The following RGPD2 variants were observed in gnomAD, a reference collection of about 807,000 sequenced individuals.
RGPD2 encodes the protein RANBP2 like and GRIP domain containing 2, also known as RANBP2-like and GRIP domain-containing protein 2.
Under a neutral mutation model 36.0 loss-of-function variants are expected in RGPD2, and 2 were observed. The ratio of observed to expected loss-of-function variants is 0.06; its 90% confidence interval spans 0.02 to 0.17. The LOEUF is 0.17. RGPD2 is among the 10% of genes least tolerant of loss of function. The probability of loss-of-function intolerance (pLI) is 1.00; values close to 1 mark genes in which losing one functional copy is unlikely to be tolerated. For synonymous variants in RGPD2, 19 were observed against 163.8 expected (o/e 0.12, Z 6.75); for missense variants, 40 against 464.3 (o/e 0.09, Z 8.40).
the RGPD2 span, among the ~76,000 whole-genome samples, chr2:87,855,729 C>A: frequency 7.6e-6 from 1 of 131,266 alleles, no homozygotes; most frequent in Non-Finnish European, 1.6e-5. Flanking sequence ...TCAAGCAATT[C>A]TCCTGCTTCA....
the RGPD2 span, among the ~76,000 whole-genome samples, chr2:87,983,318 T>C: frequency 1.3e-5 from 2 of 151,712 alleles, no homozygotes; most frequent in East Asian, 3.9e-4. Flanking sequence ...AAACCCCGTC[T>C]TAAAAAAGGA....
At chr2:87,913,094 C>A in the RGPD2 span, among the ~76,000 whole-genome samples, 1 of 152,074 alleles carries the variant, frequency 6.6e-6, no homozygotes, top group Non-Finnish European at 1.5e-5. Flanking sequence ...ATTTAAATGT[C>A]CTTATATGGC....
the RGPD2 span, among the ~76,000 whole-genome samples, chr2:87,988,539 A>AT: frequency 2.9e-4 from 7 of 24,046 alleles, no homozygotes; most frequent in African/African-American, 5.4e-4. Context: ...ATATATATAT[A>AT]TATTTTTTTT....
chr2:87,915,053 A>G, the RGPD2 span, among the ~76,000 whole-genome samples: 4 of 151,940 alleles, frequency 2.6e-5, no homozygotes, highest in Non-Finnish European at 5.9e-5. Context: ...AGGCTGTGGC[A>G]GGAGAATCGC....
the RGPD2 span, among the ~76,000 whole-genome samples, chr2:87,964,508 C>T: frequency 1.2e-4 from 18 of 152,078 alleles, no homozygotes. Flanking sequence ...AAGTTTATGC[C>T]CACTCTGTGT....
At chr2:87,985,741 C>T in the RGPD2 span, 4 of 1,603,388 alleles carry the variant, frequency 2.5e-6, no homozygotes, top group South Asian at 1.1e-5. Context: ...CTAGTCCATG[C>T]TAAGCGGTCT....
At chr2:87,957,487 A>G in the RGPD2 span, among the ~76,000 whole-genome samples, 1 of 152,064 alleles carries the variant, frequency 6.6e-6, no homozygotes, top group African/African-American at 2.4e-5. Flanking sequence ...TCTCTGGTGA[A>G]GACCCACTTC....
chr2:87,762,308 G>A (rs1684910151), intron 22 of RGPD2, among the ~76,000 whole-genome samples: 1 of 90,876 alleles, frequency 1.1e-5, no homozygotes, highest in Non-Finnish European at 1.9e-5. Context: ...TTTGATCTGA[G>A]ACGGCTGGAT....
chr2:87,913,295 A>G, the RGPD2 span, among the ~76,000 whole-genome samples: 82 of 151,606 alleles, frequency 5.4e-4, 1 homozygote, highest in East Asian at 0.016. Context: ...TCACAAGGAC[A>G]AAAAACCAAA....
chr2:87,962,729 A>G, the RGPD2 span, among the ~76,000 whole-genome samples: 10 of 152,198 alleles, frequency 6.6e-5, no homozygotes, highest in Admixed American at 5.9e-4. Context: ...AGAGGGGGAA[A>G]CATCCCTTTA....
chr2:87,913,197 G>C, the RGPD2 span, among the ~76,000 whole-genome samples: 76 of 151,954 alleles, frequency 5.0e-4, no homozygotes, highest in African/African-American at 1.7e-3. Flanking sequence ...TATACACCAT[G>C]GAATACTATG....
the RGPD2 span, among the ~76,000 whole-genome samples, chr2:87,934,317 A>G: frequency 6.9e-6 from 1 of 145,192 alleles, no homozygotes; most frequent in South Asian, 2.1e-4. Flanking sequence ...AGCATTAAAA[A>G]TTTTTGATAT....
the RGPD2 span, among the ~76,000 whole-genome samples, chr2:87,920,773 AGTATGATAT>A: frequency 9.8e-6 from 1 of 102,134 alleles, no homozygotes; most frequent in African/African-American, 4.3e-5. Flanking sequence ...ACAGACACAT[AGTATGATAT>A]GTCATAGTAA....
chr2:87,943,624 G>A, the RGPD2 span, among the ~76,000 whole-genome samples: 1 of 151,854 alleles, frequency 6.6e-6, no homozygotes. Flanking sequence ...CTTTTGCTGT[G>A]CAGAAGCTTT....
At chr2:87,771,403 T>TG (rs1685112868) in intron 22 of RGPD2, 1 of 32,238 alleles carries the variant, frequency 3.1e-5, no homozygotes, top group African/African-American at 1.1e-4. Flanking sequence ...TTTTTTTTTT[T>TG]TTTTTTTTTT....
At chr2:87,930,573 T>C in the RGPD2 span, among the ~76,000 whole-genome samples, 5 of 151,830 alleles carry the variant, frequency 3.3e-5, no homozygotes, top group Non-Finnish European at 7.4e-5. Flanking sequence ...ATGATGTTGC[T>C]GGTCTCATAC....
intron 17 of RGPD2, among the ~76,000 whole-genome samples, chr2:87,791,148 AAC>A (rs1342770280): frequency 6.7e-6 from 1 of 148,170 alleles, no homozygotes; most frequent in Non-Finnish European, 1.5e-5. Context: ...TTTTAAATAA[AAC>A]AGTTTCTACC....
At chr2:87,983,098 T>C in the RGPD2 span, among the ~76,000 whole-genome samples, 1 of 145,744 alleles carries the variant, frequency 6.9e-6, no homozygotes, top group South Asian at 2.3e-4. Flanking sequence ...GGTGGGAGGA[T>C]CACTTGAGCT....
chr2:87,864,769 TC>T, the RGPD2 span, among the ~76,000 whole-genome samples: 1 of 152,284 alleles, frequency 6.6e-6, no homozygotes, highest in Non-Finnish European at 1.5e-5. Flanking sequence ...AAATGTCTGT[TC>T]ATACCTTTTG....
Sources: gnomAD v4.1 joint callset for allele counts (sites outside exome capture counted in the v4.1 genomes callset) on GRCh38, gnomAD v4.1.1 for gene constraint, MANE v1.5 for transcripts, NCBI Gene and HGNC (gene_info 2026-07-23, HGNC 2026-07-21) for gene names.